FAM185A: variants seen among roughly 807,000 people sequenced by gnomAD.
FAM185A encodes family with sequence similarity 185 member A.
A neutral mutation model predicts 45.7 loss-of-function variants in FAM185A; 21 were observed. That is an observed-to-expected ratio of 0.46 (90% confidence interval 0.33 to 0.66). The LOEUF is 0.66. Ranked by LOEUF, FAM185A falls within the 30% of genes least tolerant of loss-of-function variation. FAM185A has a pLI of 0.03. For synonymous variants in FAM185A, 117 were observed against 194.0 expected, an observed-to-expected ratio of 0.60 and a Z score of 3.30; for missense variants, 305 against 485.4, an observed-to-expected ratio of 0.63 and a Z score of 3.49.
chr7:102,794,824 C>A (rs1796354054), intron 7 of FAM185A, among the ~76,000 whole-genome samples: 1 of 152,110 alleles, frequency 6.6e-6, no homozygotes, highest in Admixed American at 6.5e-5. Context: ...AATTCACCGA[C>A]AAAGGGAACA....
intron 5 of FAM185A, among the ~76,000 whole-genome samples, chr7:102,772,773 CTG>C (rs1794835605): frequency 6.6e-6 from 1 of 151,336 alleles, no homozygotes; most frequent in Admixed American, 6.6e-5. Context: ...AATAATGTCA[CTG>C]TTTATTGGGC....
At chr7:102,819,038 T>C in the FAM185A span, among the ~76,000 whole-genome samples, 2 of 152,154 alleles carry the variant, frequency 1.3e-5, no homozygotes, top group South Asian at 4.1e-4. Flanking sequence ...CACTTATAAG[T>C]GAGAACATGC....
At chr7:102,798,506 A>G (rs1796578522) in intron 7 of FAM185A, among the ~76,000 whole-genome samples, 2 of 152,134 alleles carry the variant, frequency 1.3e-5, no homozygotes, top group Admixed American at 6.5e-5. Context: ...CTTGGCCTCT[A>G]TTGCTGCAAA....
At position 102,808,499 on chromosome 7, in the gene FAM185A, A is replaced by G. The variant is rs536665188; in HGVS notation, c.*97A>G. On this transcript the variant is annotated 3_prime_UTR_variant, in exon 8 of 8. Coordinates refer to ENST00000413034, the MANE Select transcript of FAM185A (RefSeq NM_001145268.2). ...ACCATTCATATAAAGGTTGAAAACA[A>G]CAAATTGAGAATGAATACTGGTGAA... is the stretch of plus-strand genomic sequence containing the variant. The G allele has an allele frequency of 1.8e-5, 14 of 789,784 alleles. No individual in the cohort carries two copies. The African/African-American group carries it at 2.3e-4, about 13-fold the overall frequency. The allele number at this position is 789,784 out of a possible 1,614,324, so 48.9% of individuals were successfully genotyped here. A position where few individuals can be genotyped will look rare whatever the true frequency, so the allele number is the denominator to read the frequency against.
chr7:102,759,942 C>T (rs192558478), intron 3 of FAM185A, among the ~76,000 whole-genome samples: 41 of 152,144 alleles, frequency 2.7e-4, no homozygotes, highest in African/African-American at 9.4e-4. Context: ...ATTCAGCAAA[C>T]AGGATGGTGA....
intron 5 of FAM185A, among the ~76,000 whole-genome samples, chr7:102,774,261 A>T (rs1794922256): frequency 6.6e-6 from 1 of 152,170 alleles, no homozygotes; most frequent in Non-Finnish European, 1.5e-5. Context: ...TGATATATGT[A>T]AATACAAATG....
At chr7:102,784,798 C>G (rs1420664878) in intron 6 of FAM185A, among the ~76,000 whole-genome samples, 1 of 152,204 alleles carries the variant, frequency 6.6e-6, no homozygotes, top group Non-Finnish European at 1.5e-5. Context: ...TCTCTCACCA[C>G]TCCTCTTCAA....
intron 7 of FAM185A, among the ~76,000 whole-genome samples, chr7:102,791,803 C>T (rs1796159120): frequency 6.6e-6 from 1 of 151,612 alleles, no homozygotes; most frequent in Non-Finnish European, 1.5e-5. Context: ...AGAGAAACTT[C>T]CATATTTCAT....
the FAM185A span, among the ~76,000 whole-genome samples, chr7:102,818,198 G>A: frequency 6.6e-6 from 1 of 152,166 alleles, no homozygotes; most frequent in African/African-American, 2.4e-5. Flanking sequence ...CATAAATTAG[G>A]CAAAACAGAG....
the FAM185A span, among the ~76,000 whole-genome samples, chr7:102,826,770 T>TATATAC: frequency 7.1e-5 from 7 of 98,980 alleles, no homozygotes; most frequent in African/African-American, 2.8e-4. Flanking sequence ...TATATATATA[T>TATATAC]ATGTATATAT....
the FAM185A span, among the ~76,000 whole-genome samples, chr7:102,847,754 C>T: frequency 1.3e-5 from 2 of 152,088 alleles, no homozygotes; most frequent in African/African-American, 4.8e-5. Context: ...GTCTCAAACT[C>T]CTGGCCTCAG....
chr7:102,835,054 ATGTAT>A, the FAM185A span, among the ~76,000 whole-genome samples: 1 of 152,234 alleles, frequency 6.6e-6, no homozygotes, highest in Non-Finnish European at 1.5e-5. Context: ...AGATGCACAA[ATGTAT>A]TGTACTTTGA....
At chr7:102,774,064 A>G (rs925057169) in intron 5 of FAM185A, among the ~76,000 whole-genome samples, 1 of 152,090 alleles carries the variant, frequency 6.6e-6, no homozygotes, top group East Asian at 1.9e-4. Flanking sequence ...ATCACATTGT[A>G]TCTTCCAATT....
At chr7:102,765,798 T>C (rs1794353227) in intron 4 of FAM185A, among the ~76,000 whole-genome samples, 1 of 151,630 alleles carries the variant, frequency 6.6e-6, no homozygotes, top group Admixed American at 6.6e-5. Flanking sequence ...AACCAGTTTA[T>C]TCATTGACTT....
chr7:102,752,047 T>C (rs1461646954), intron 2 of FAM185A, among the ~76,000 whole-genome samples: 1 of 151,990 alleles, frequency 6.6e-6, no homozygotes, highest in Non-Finnish European at 1.5e-5. Flanking sequence ...GTGAAACTAA[T>C]AGTATTTTCC....
the FAM185A span, among the ~76,000 whole-genome samples, chr7:102,843,707 C>T: frequency 8.8e-3 from 1,341 of 152,148 alleles, 13 homozygotes; most frequent in Non-Finnish European, 0.014. Flanking sequence ...ACCCAGGCGG[C>T]GGAGGTTGCA....
At chr7:102,791,889 C>T (rs1197009329) in intron 7 of FAM185A, among the ~76,000 whole-genome samples, 1 of 151,954 alleles carries the variant, frequency 6.6e-6, no homozygotes, top group East Asian at 1.9e-4. Flanking sequence ...TTTAAGAGGC[C>T]TAGAAAATCA....
At chr7:102,813,464 A>G, downstream of FAM185A, 2 of 1,614,214 alleles carry the variant, frequency 1.2e-6, no homozygotes, top group Non-Finnish European at 1.7e-6. Context: ...TAGCCAAACC[A>G]ACGTGGAGGG....
At chr7:102,793,800 A>T (rs1411625129) in intron 7 of FAM185A, among the ~76,000 whole-genome samples, 3 of 151,920 alleles carry the variant, frequency 2.0e-5, no homozygotes, top group Non-Finnish European at 4.4e-5. Context: ...GCACTTTGGG[A>T]AGCCGAGGTG....
Sources: gnomAD v4.1 joint callset for allele counts (sites outside exome capture counted in the v4.1 genomes callset) on GRCh38, gnomAD v4.1.1 for gene constraint, MANE v1.5 for transcripts, NCBI Gene and HGNC (gene_info 2026-07-23, HGNC 2026-07-21) for gene names.